The following FNBP1L variants were observed in gnomAD, a reference collection of about 807,000 sequenced individuals.
FNBP1L encodes the protein formin binding protein 1 like, also known as formin-binding protein 1-like.
Under a neutral mutation model 91.2 loss-of-function variants are expected in FNBP1L, and 36 were observed. The ratio of observed to expected loss-of-function variants is 0.39; its 90% confidence interval spans 0.30 to 0.52. The LOEUF (loss-of-function observed/expected upper bound fraction) is 0.52. Ranked by LOEUF, FNBP1L falls within the 20% of genes least tolerant of loss-of-function variation. The pLI, the probability that FNBP1L is intolerant of heterozygous loss-of-function variation, is 0.66. For missense variants in FNBP1L, 571 were observed against 732.1 expected (o/e 0.78, Z 2.54); for synonymous variants, 242 against 237.0 (o/e 1.02, Z -0.19).
chr1:93,548,631 A>G (rs757616355), intron 14 of FNBP1L, among the ~76,000 whole-genome samples: 41 of 152,164 alleles, frequency 2.7e-4, no homozygotes, highest in Non-Finnish European at 3.2e-4. Context: ...TGTTATCCCT[A>G]GGACTCAATT....
At chr1:93,523,171 A>C (rs939092869) in intron 3 of FNBP1L, among the ~76,000 whole-genome samples, 173 bp from the exon 4 acceptor site, 1 of 152,244 alleles carries the variant, frequency 6.6e-6, no homozygotes, top group South Asian at 2.1e-4. Flanking sequence ...ACAAACATGT[A>C]TGACTTGAGC....
At chr1:93,448,574 C>T (rs1668356393) in intron 1 of FNBP1L, among the ~76,000 whole-genome samples, 1 of 152,136 alleles carries the variant, frequency 6.6e-6, no homozygotes, top group African/African-American at 2.4e-5. Context: ...AGCCCGCGGG[C>T]TCCTGCGTGC....
At chr1:93,515,868 G>A (rs989165506) in intron 2 of FNBP1L, among the ~76,000 whole-genome samples, 2 of 152,020 alleles carry the variant, frequency 1.3e-5, no homozygotes, top group African/African-American at 4.8e-5. Flanking sequence ...TACATATGTA[G>A]CTAACTTGCA....
intron 1 of FNBP1L, among the ~76,000 whole-genome samples, chr1:93,473,426 A>T (rs1249324779): frequency 1.3e-5 from 2 of 152,182 alleles, no homozygotes; most frequent in South Asian, 2.1e-4. Context: ...AACTTTTGTC[A>T]TGTAAAGCTA....
chr1:93,460,275 T>C (rs1668818263), intron 1 of FNBP1L, among the ~76,000 whole-genome samples: 1 of 152,156 alleles, frequency 6.6e-6, no homozygotes, highest in African/African-American at 2.4e-5. Flanking sequence ...TTTGCCCTTT[T>C]GGTGTGTGAC....
intron 10 of FNBP1L, among the ~76,000 whole-genome samples, chr1:93,538,887 G>T (rs751410681): frequency 2.0e-5 from 3 of 151,766 alleles, no homozygotes; most frequent in East Asian, 3.8e-4. Context: ...AGAAAAACTC[G>T]TGTGTACAGA....
At chr1:93,551,370 T>G in intron 16 of FNBP1L, 2 of 1,104,828 alleles carry the variant, frequency 1.8e-6, no homozygotes, top group Non-Finnish European at 2.2e-6. Context: ...CCCGCTTAAG[T>G]CTGTGTGAAG....
intron 8 of FNBP1L, among the ~76,000 whole-genome samples, chr1:93,534,019 T>A (rs1037903101): frequency 6.6e-6 from 1 of 152,146 alleles, no homozygotes; most frequent in African/African-American, 2.4e-5. Context: ...CTGAAAATAA[T>A]GAGTTTAAGG....
At chr1:93,471,326 C>T (rs1289225422) in intron 1 of FNBP1L, among the ~76,000 whole-genome samples, 5 of 152,114 alleles carry the variant, frequency 3.3e-5, no homozygotes, top group Admixed American at 6.6e-5. Flanking sequence ...ATCTGTGGAA[C>T]GTTAGTTTAT....
chr1:93,502,178 G>A lies in FNBP1L; in HGVS notation c.140+2595G>A, dbSNP rs150467459. Among the ~76,000 whole-genome samples the A allele has an allele frequency of 4.2e-3, 637 of 152,242 alleles. 3 individuals carry two copies. The highest frequency in any genetic ancestry group is 8.1e-3 in the South Asian group (39 of 4,826). On this transcript the variant is annotated intron_variant, in intron 2 of 16. Transcript: ENST00000271234. ...TACATATAAAATTTGTATGTATTCT[G>A]AAGAGGTCTAGAAGAGTACACCCAG...
chr1:93,450,059 T>C lies in FNBP1L; in HGVS notation c.24+1754T>C, dbSNP rs140225687. 7.4e-4 allele frequency among the ~76,000 whole-genome samples: 113 copies of C among 152,304 alleles called. 1 individual carries two copies. In the East Asian group the frequency reaches 0.019, roughly 26 times the overall value. On this transcript the variant is annotated intron_variant, in intron 1 of 16. Transcript: ENST00000271234. ...AACATAGGAAAACAGTGGAGGCATG[T>C]TATTTAGATTTAACTCTTAAGATTT...
intron 1 of FNBP1L, among the ~76,000 whole-genome samples, chr1:93,469,528 A>T (rs776988279): frequency 6.6e-6 from 1 of 152,174 alleles, no homozygotes; most frequent in Non-Finnish European, 1.5e-5. Context: ...TGTTATTGTG[A>T]ATAGTGCCGC....
At chr1:93,477,441 A>G (rs185870427) in intron 1 of FNBP1L, among the ~76,000 whole-genome samples, 42 of 152,336 alleles carry the variant, frequency 2.8e-4, no homozygotes, top group African/African-American at 9.9e-4. Context: ...ACCACCAACT[A>G]AGGTTTTTGT....
At chr1:93,473,143 A>G (rs1669364598) in intron 1 of FNBP1L, among the ~76,000 whole-genome samples, 1 of 151,906 alleles carries the variant, frequency 6.6e-6, no homozygotes, top group Non-Finnish European at 1.5e-5. Flanking sequence ...CATCTCTTTT[A>G]TAATTATTGT....
rs1265163256 is a variant in FNBP1L, at chr1:93,483,028, AAAAAAC to A, written c.25-16434_25-16429del. Among the ~76,000 whole-genome samples, 669 of 150,360 alleles carry A rather than the reference AAAAAAC, an allele frequency of 4.4e-3. 3 individuals are homozygous for A. The highest frequency in any genetic ancestry group is 0.034 in the Middle Eastern group (10 of 290). On this transcript the variant is annotated intron_variant, in intron 1 of 16. Transcript: ENST00000271234. ...GCAAGACTCCGTCTAAAAAAAACAA[AAAAAAC>A]AAAAAACAAAAAGTAGCCAAGCATG... is the stretch of plus-strand genomic sequence containing the variant.
intron 2 of FNBP1L, among the ~76,000 whole-genome samples, chr1:93,510,104 C>T (rs1376885998): frequency 1.3e-5 from 2 of 152,216 alleles, no homozygotes; most frequent in South Asian, 2.1e-4. Flanking sequence ...CTGGGTGGAG[C>T]CCACCACAGC....
intron 2 of FNBP1L, among the ~76,000 whole-genome samples, chr1:93,518,641 A>T (rs1671212371): frequency 6.6e-6 from 1 of 152,190 alleles, no homozygotes; most frequent in East Asian, 1.9e-4. Flanking sequence ...AGACTTGTTG[A>T]ATAGAGGTAC....
chr1:93,507,968 A>G (rs546901483), intron 2 of FNBP1L, among the ~76,000 whole-genome samples: 1 of 145,938 alleles, frequency 6.9e-6, no homozygotes, highest in African/African-American at 2.5e-5. Flanking sequence ...TTTTTTTTTT[A>G]AATTATGAAA....
intron 1 of FNBP1L, among the ~76,000 whole-genome samples, chr1:93,476,407 A>G (rs945252128): frequency 6.6e-6 from 1 of 152,216 alleles, no homozygotes; most frequent in Non-Finnish European, 1.5e-5. Context: ...AAAGCACTCA[A>G]CACAGTGCTT....
Sources: gnomAD v4.1 joint callset for allele counts (sites outside exome capture counted in the v4.1 genomes callset) on GRCh38, gnomAD v4.1.1 for gene constraint, MANE v1.5 for transcripts, NCBI Gene and HGNC (gene_info 2026-07-23, HGNC 2026-07-21) for gene names.